Variants in IWS1 observed in about 807,000 individuals in gnomAD.
IWS1 encodes the protein protein IWS1 homolog.
A neutral mutation model predicts 86.7 loss-of-function variants in IWS1; 27 were observed. The observed-to-expected ratio is 0.31, with a 90% CI of 0.23 to 0.43. The LOEUF is 0.43. IWS1 is among the 20% of genes least tolerant of loss of function. The pLI is 1.00. For synonymous variants in IWS1, 313 were observed against 335.1 expected, an observed-to-expected ratio of 0.93 and a Z score of 0.72; for missense variants, 827 against 1,000.8, an observed-to-expected ratio of 0.83 and a Z score of 2.34.
chr2:127,504,171 T>C (rs1038972733), intron 3 of IWS1, among the ~76,000 whole-genome samples: 1 of 152,232 alleles, frequency 6.6e-6, no homozygotes, highest in Non-Finnish European at 1.5e-5. Flanking sequence ...GAGTCTTAGA[T>C]AGCAGAGACT....
upstream of IWS1, chr2:127,526,998 C>A: frequency 4.2e-6 from 1 of 236,432 alleles, no homozygotes; most frequent in Non-Finnish European, 8.8e-6. Flanking sequence ...TGTTAAGAAG[C>A]CATTTAGCCA....
chr2:127,524,670 G>T (rs1692295149), intron 1 of IWS1, among the ~76,000 whole-genome samples: 2 of 151,102 alleles, frequency 1.3e-5, no homozygotes, highest in African/African-American at 4.9e-5. Flanking sequence ...AGCCTCCTGA[G>T]TAGCTGGGAT....
chr2:127,525,997 C>G (rs1692386734), intron 1 of IWS1, among the ~76,000 whole-genome samples, 178 bp downstream of exon 1: 1 of 152,252 alleles, frequency 6.6e-6, no homozygotes, highest in African/African-American at 2.4e-5. Flanking sequence ...AGAATCCCCT[C>G]TCCAACGTTC....
chr2:127,491,846 A>C (rs896295273), intron 10 of IWS1, 125 bp downstream of exon 10: 13 of 660,778 alleles, frequency 2.0e-5, no homozygotes, highest in Non-Finnish European at 3.0e-5. Context: ...GTTATTCAAA[A>C]ATTTCTATTC....
At chr2:127,526,563 C>T, upstream of IWS1, 2 of 1,416,758 alleles carry the variant, frequency 1.4e-6, no homozygotes, top group Non-Finnish European at 1.9e-6. Context: ...GACGCAACAG[C>T]AATGACGCCA....
chr2:127,497,990 T>A, intron 6 of IWS1, 150 bp downstream of exon 6: 1 of 579,342 alleles, frequency 1.7e-6, no homozygotes, highest in Non-Finnish European at 3.0e-6. Context: ...CAGCAGGTAA[T>A]TCACTGACAA....
At chr2:127,495,853 C>T in intron 7 of IWS1, 145 bp downstream of exon 7, 2 of 715,440 alleles carry the variant, frequency 2.8e-6, no homozygotes, top group Non-Finnish European at 4.2e-6. Context: ...AAAATATTTC[C>T]ATGATTAAAA....
At chr2:127,517,513 G>A (rs1691839570) in intron 2 of IWS1, among the ~76,000 whole-genome samples, 1 of 152,132 alleles carries the variant, frequency 6.6e-6, no homozygotes, top group Non-Finnish European at 1.5e-5. Context: ...TCAACAAATG[G>A]CAATGGGATA....
chr2:127,514,033 T>TC (rs1691621830), intron 2 of IWS1, among the ~76,000 whole-genome samples: 1 of 152,182 alleles, frequency 6.6e-6, no homozygotes, highest in Non-Finnish European at 1.5e-5. Flanking sequence ...GAACCTTTAT[T>TC]CCCGTTTGCC....
intron 2 of IWS1, chr2:127,511,511 C>T (rs1032994097): frequency 4.6e-5 from 7 of 152,204 alleles, no homozygotes; most frequent in Admixed American, 4.6e-4. Flanking sequence ...CATCCTGTGA[C>T]GTCTGCTGAC....
At chr2:127,500,321 T>G (rs185211486) in intron 5 of IWS1, among the ~76,000 whole-genome samples, 20 of 152,336 alleles carry the variant, frequency 1.3e-4, no homozygotes, top group Non-Finnish European at 2.8e-4. Context: ...TCGATCTGCT[T>G]CTTCTGTCAG....
chr2:127,491,362 T>C (rs1573511345), intron 10 of IWS1, among the ~76,000 whole-genome samples: 1 of 152,218 alleles, frequency 6.6e-6, no homozygotes, highest in Non-Finnish European at 1.5e-5. Flanking sequence ...ACCCAGGTAA[T>C]ATCAACTCCA....
intron 10 of IWS1, among the ~76,000 whole-genome samples, chr2:127,491,452 T>G (rs1690221108): frequency 6.6e-6 from 1 of 152,192 alleles, no homozygotes; most frequent in African/African-American, 2.4e-5. Flanking sequence ...TTGCAATTTT[T>G]TTTTTTTTGA....
intron 2 of IWS1, among the ~76,000 whole-genome samples, chr2:127,513,499 A>G (rs2104724462): frequency 6.6e-6 from 1 of 152,322 alleles, no homozygotes; most frequent in African/African-American, 2.4e-5. Context: ...CTATTAGGAA[A>G]AGACAATTTG....
At chr2:127,488,272 G>A (rs1225049203) in intron 12 of IWS1, 1 of 152,134 alleles carries the variant, frequency 6.6e-6, no homozygotes, top group Non-Finnish European at 1.5e-5. Context: ...ATCAAATCTA[G>A]GTCTCTAGCC....
chr2:127,501,527 C>G (rs1690809757), intron 5 of IWS1, among the ~76,000 whole-genome samples: 1 of 152,062 alleles, frequency 6.6e-6, no homozygotes, highest in Non-Finnish European at 1.5e-5. Flanking sequence ...TTTCCCTCTC[C>G]TTTCATTATT....
intron 2 of IWS1, among the ~76,000 whole-genome samples, chr2:127,508,826 T>TCA (rs771953001): frequency 3.3e-5 from 5 of 152,126 alleles, no homozygotes; most frequent in Non-Finnish European, 5.9e-5. Flanking sequence ...TGTGACTCAA[T>TCA]CAGTTACAGC....
At chr2:127,518,513 CAAAA>C in intron 2 of IWS1, among the ~76,000 whole-genome samples, 1 of 139,670 alleles carries the variant, frequency 7.2e-6, no homozygotes, top group East Asian at 2.1e-4. Context: ...GATTCTGCCT[CAAAA>C]AAGAAAAAGA....
intron 5 of IWS1, among the ~76,000 whole-genome samples, chr2:127,502,081 A>C (rs334144): frequency 0.88 from 133,180 of 152,134 alleles, 58,614 homozygotes; most frequent in East Asian, 1. Context: ...GTGTATAATA[A>C]GTACATATGA....
Sources: allele counts gnomAD v4.1 joint callset (sites outside exome capture counted in the v4.1 genomes callset), GRCh38; gene constraint gnomAD v4.1.1; transcripts MANE v1.5; gene names NCBI Gene and HGNC (gene_info 2026-07-23, HGNC 2026-07-21).